OR2L13: variants seen among roughly 807,000 people sequenced by gnomAD.
OR2L13 encodes the protein olfactory receptor 2L13.
In OR2L13, 14 loss-of-function variants were observed where a neutral mutation model predicts 15.3. The ratio of observed to expected loss-of-function variants is 0.91; its 90% CI spans 0.60 to 1.43. OR2L13 has a LOEUF of 1.43. OR2L13 is among the 40% of genes most tolerant of loss of function. OR2L13 has a pLI of 0.00. For synonymous variants in OR2L13, 152 were observed against 142.9 expected (o/e 1.06, Z -0.45); for missense variants, 367 against 387.9 (o/e 0.95, Z 0.45).
chr1:248,079,525 A>G, the OR2L13 span, among the ~76,000 whole-genome samples: 1 of 152,140 alleles, frequency 6.6e-6, no homozygotes. Context: ...AAAGAACAAG[A>G]CAGGATGATT....
At chr1:247,973,173 CTGAA>C in the OR2L13 span, among the ~76,000 whole-genome samples, 1 of 152,090 alleles carries the variant, frequency 6.6e-6, no homozygotes, top group Non-Finnish European at 1.5e-5. Flanking sequence ...CAATGTCACA[CTGAA>C]TGGGCAAAAT....
the OR2L13 span, chr1:248,022,852 G>A: frequency 2.5e-6 from 4 of 1,611,632 alleles, no homozygotes; most frequent in East Asian, 2.2e-5. Flanking sequence ...GCCCTGACAC[G>A]AGTGATTCAG....
the OR2L13 span, among the ~76,000 whole-genome samples, chr1:247,948,589 GA>G: frequency 5.9e-5 from 9 of 152,120 alleles, no homozygotes; most frequent in African/African-American, 2.2e-4. Flanking sequence ...GAAAGATAGA[GA>G]TCATATTCAC....
At chr1:248,098,856 C>T (rs1423898540) in intron 2 of OR2L13, 81 bp downstream of exon 2, 1 of 152,354 alleles carries the variant, frequency 6.6e-6, no homozygotes, top group Non-Finnish European at 1.5e-5. Context: ...AACAAACTGC[C>T]AGATTTGGGG....
the OR2L13 span, among the ~76,000 whole-genome samples, chr1:248,016,112 A>G: frequency 6.6e-6 from 1 of 152,314 alleles, no homozygotes; most frequent in Non-Finnish European, 1.5e-5. Flanking sequence ...AATTACTTAA[A>G]TTAGGCTATT....
chr1:248,081,770 A>G, the OR2L13 span, among the ~76,000 whole-genome samples: 933 of 152,276 alleles, frequency 6.1e-3, 16 homozygotes, highest in African/African-American at 0.022. Context: ...TGTTTACTGA[A>G]TAACCTTCTC....
the OR2L13 span, chr1:247,991,138 C>T: frequency 6.2e-7 from 1 of 1,606,520 alleles, no homozygotes; most frequent in Admixed American, 1.7e-5. Flanking sequence ...CATCTACAGC[C>T]TGAGAAACAA....
chr1:247,938,383 A>C, the OR2L13 span, among the ~76,000 whole-genome samples: 1 of 152,152 alleles, frequency 6.6e-6, no homozygotes, highest in East Asian at 1.9e-4. Flanking sequence ...CCTAATGTGG[A>C]CCCAAGAGCA....
At chr1:248,077,301 C>T in the OR2L13 span, among the ~76,000 whole-genome samples, 1 of 152,108 alleles carries the variant, frequency 6.6e-6, no homozygotes, top group Non-Finnish European at 1.5e-5. Context: ...GTCTAAAATT[C>T]TCTTTTTTTG....
At chr1:247,980,624 A>C in the OR2L13 span, among the ~76,000 whole-genome samples, 1 of 152,178 alleles carries the variant, frequency 6.6e-6, no homozygotes, top group Non-Finnish European at 1.5e-5. Flanking sequence ...TAAACGTTGG[A>C]CTAAGGCCAT....
the OR2L13 span, among the ~76,000 whole-genome samples, chr1:247,993,803 GAGAGAGAGAA>G: frequency 6.4e-4 from 85 of 132,476 alleles, 1 homozygote; most frequent in East Asian, 2.5e-3. Flanking sequence ...GAGAGAGAGA[GAGAGAGAGAA>G]AGAAAGAGAA....
the OR2L13 span, among the ~76,000 whole-genome samples, chr1:248,074,643 C>T: frequency 6.6e-6 from 1 of 152,084 alleles, no homozygotes; most frequent in Non-Finnish European, 1.5e-5. Context: ...CAGAAGGACA[C>T]ATGCATGGTA....
chr1:248,054,951 C>G, the OR2L13 span, among the ~76,000 whole-genome samples: 83 of 152,188 alleles, frequency 5.5e-4, no homozygotes, highest in African/African-American at 2.0e-3. Flanking sequence ...GATTGATTGC[C>G]CTGGTCATAC....
At chr1:248,071,249 C>G in the OR2L13 span, among the ~76,000 whole-genome samples, 3 of 152,076 alleles carry the variant, frequency 2.0e-5, no homozygotes, top group East Asian at 5.8e-4. Flanking sequence ...CAAACCGAAT[C>G]CAGCAGCACA....
chr1:248,078,961 GAC>G, the OR2L13 span, among the ~76,000 whole-genome samples: 2 of 152,124 alleles, frequency 1.3e-5, no homozygotes, highest in South Asian at 2.1e-4. Context: ...TTGGTCTCCA[GAC>G]GTTAGGAGGT....
At chr1:248,002,484 G>T in the OR2L13 span, among the ~76,000 whole-genome samples, 1 of 152,176 alleles carries the variant, frequency 6.6e-6, no homozygotes, top group Non-Finnish European at 1.5e-5. Context: ...TTGTCTTTCT[G>T]TGACAGGCTT....
chr1:247,946,560 A>G, the OR2L13 span, among the ~76,000 whole-genome samples: 1 of 152,208 alleles, frequency 6.6e-6, no homozygotes, highest in Non-Finnish European at 1.5e-5. Context: ...GAAACATAAC[A>G]AACTCTTGCT....
At chr1:248,044,757 T>C in the OR2L13 span, among the ~76,000 whole-genome samples, 7 of 76,490 alleles carry the variant, frequency 9.2e-5, no homozygotes, top group Non-Finnish European at 1.2e-4. Context: ...GAGCCGAGAT[T>C]GCGCCACTGC....
the OR2L13 span, chr1:248,060,931 T>A: frequency 5.0e-6 from 8 of 1,613,818 alleles, no homozygotes; most frequent in Non-Finnish European, 6.8e-6. Context: ...GGCATCTGAT[T>A]TTCTGTCTGG....
Sources: gnomAD v4.1 joint callset for allele counts (sites outside exome capture counted in the v4.1 genomes callset) on GRCh38, gnomAD v4.1.1 for gene constraint, MANE v1.5 for transcripts, NCBI Gene and HGNC (gene_info 2026-07-23, HGNC 2026-07-21) for gene names.